Variants in TMEM87B observed in about 807,000 individuals in gnomAD.
TMEM87B encodes the protein transmembrane protein 87B.
In TMEM87B, 83 loss-of-function variants were observed where a neutral mutation model predicts 80.3. The ratio of observed to expected loss-of-function variants is 1.03; its 90% CI spans 0.87 to 1.24. The LOEUF is 1.24. Ranked by LOEUF, TMEM87B falls within the 50% of genes most tolerant of loss-of-function variation. The probability of loss-of-function intolerance (pLI) is 0.00; values close to 1 mark genes in which losing one functional copy is unlikely to be tolerated. For missense variants in TMEM87B, 625 were observed against 674.4 expected, an observed-to-expected ratio of 0.93 and a Z score of 0.81; for synonymous variants, 219 against 230.5, an observed-to-expected ratio of 0.95 and a Z score of 0.45.
In TMEM87B at chr2:112,112,796, AGT is replaced by A; in HGVS notation, c.1578-101_1578-100del. 3 of 1,047,214 alleles carry A rather than the reference AGT, an allele frequency of 2.9e-6. No homozygotes were observed. The South Asian group carries it at 4.3e-5, about 15-fold the overall frequency. The allele number at this position is 1,047,214 out of a possible 1,614,324, so 64.9% of individuals were successfully genotyped here. On this transcript the variant is annotated intron_variant, in intron 17 of 18. Coordinates refer to ENST00000283206, the MANE Select transcript of TMEM87B (RefSeq NM_032824.3). Reference sequence around the variant, plus strand: ...CTTCTGTCACCTGTGGATACCCAGGAGTGAGAATTAGTGGGCCATGGCATGTG... The same window carrying A: ...CTTCTGTCACCTGTGGATACCCAGGAGAGAATTAGTGGGCCATGGCATGTG...
Position 112,081,134 on chromosome 2 carries a change from C to T in TMEM87B, c.654+16C>T. 1 of 1,610,406 alleles carries T rather than the reference C, an allele frequency of 6.2e-7. No individual in the cohort carries two copies. The highest frequency in any genetic ancestry group is 8.5e-7 in the Non-Finnish European group (1 of 1,178,580). ...CCTAATGATTGTGAGTATTTCTCAT[C>T]ATTTTTTCCTTTTTAAAAAATGAAT... On this transcript the variant is annotated intron_variant, in intron 7 of 18. Transcript: ENST00000283206.
chr2:112,108,670 G>A (rs540069557), intron 17 of TMEM87B, among the ~76,000 whole-genome samples: 2 of 152,194 alleles, frequency 1.3e-5, no homozygotes, highest in Non-Finnish European at 2.9e-5. Context: ...CATGTTATAT[G>A]GGTTTTGTTT....
intron 15 of TMEM87B, among the ~76,000 whole-genome samples, chr2:112,102,655 G>A (rs1333994704): frequency 4.6e-5 from 7 of 151,692 alleles, no homozygotes; most frequent in Non-Finnish European, 1.5e-5. Context: ...GCCACTGCAC[G>A]CCAGCCTGGA....
chr2:112,112,495 A>G (rs762531644), intron 17 of TMEM87B, among the ~76,000 whole-genome samples: 45 of 152,180 alleles, frequency 3.0e-4, no homozygotes, highest in Non-Finnish European at 1.2e-4. Context: ...ACAGAATAAC[A>G]CTAAGTGCTC....
intron 4 of TMEM87B, among the ~76,000 whole-genome samples, chr2:112,071,616 C>A (rs1234585586): frequency 3.3e-5 from 5 of 152,076 alleles, no homozygotes; most frequent in Non-Finnish European, 7.4e-5. Flanking sequence ...CGCTAGTGAT[C>A]TTTATATATT....
chr2:112,098,968 A>G (rs1373448737), intron 14 of TMEM87B, among the ~76,000 whole-genome samples: 1 of 152,200 alleles, frequency 6.6e-6, no homozygotes, highest in African/African-American at 2.4e-5. Context: ...GAATGACTGA[A>G]CTGGGAAAGA....
chr2:112,097,356 ATTTAG>A (rs1350190879), intron 13 of TMEM87B, 65 bp downstream of exon 13: 15 of 1,300,294 alleles, frequency 1.2e-5, no homozygotes, highest in Non-Finnish European at 1.3e-5. Context: ...ATTTTGAACA[ATTTAG>A]TTTATGCTTG....
intron 14 of TMEM87B, 108 bp from the exon 15 acceptor site, chr2:112,100,514 T>C: frequency 1.6e-6 from 1 of 633,564 alleles, no homozygotes. Context: ...TTTTAAAGTA[T>C]AAGAAATTTT....
chr2:112,106,201 G>C (rs1051386296), intron 16 of TMEM87B, 126 bp downstream of exon 16: 1 of 666,368 alleles, frequency 1.5e-6, no homozygotes, highest in Non-Finnish European at 2.3e-6. Context: ...TGTTGTTGTT[G>C]TTATAAAAAT....
At position 112,117,082 on chromosome 2, in the gene TMEM87B, C is replaced by G. The variant is rs1363273010; in HGVS notation, c.*939C>G. 2 of 152,182 alleles carry G rather than the reference C, an allele frequency of 1.3e-5. No individual in the cohort carries two copies. Among genetic ancestry groups the G allele is most frequent in the Non-Finnish European group, 2.9e-5 (2 of 68,020 alleles). The allele number at this position is 152,182 out of a possible 1,614,324, so 9.4% of individuals were successfully genotyped here. A position where few individuals can be genotyped will look rare whatever the true frequency, so the allele number is the denominator to read the frequency against. On this transcript the variant is annotated 3_prime_UTR_variant, in exon 19 of 19. Coordinates refer to ENST00000283206, the MANE Select transcript of TMEM87B (RefSeq NM_032824.3). ...TCACTATTGATTTTATAATTAATTTCTTAAGCTTCAACCATGTTTTATACC... is the reference window on the plus strand; with the variant it reads ...TCACTATTGATTTTATAATTAATTTGTTAAGCTTCAACCATGTTTTATACC...
rs1679491343 is a variant in TMEM87B, at chr2:112,097,084, TA to T, written c.1147del (p.Arg383GlufsTer5). ...GCACAAACTATGAAGACCCTAAGGC[TA>T]AGAAAGAACACTGTGAAATTTTCAT... is the stretch of plus-strand genomic sequence containing the variant. ...SLAQTMKTLRLRKNTVKFSLY... is the reference protein window; with the variant it reads ...SLAQTMKTLRXRKNTVKFSLY... On this transcript the variant is annotated frameshift_variant, in exon 12 of 19. Coordinates refer to ENST00000283206, the MANE Select transcript of TMEM87B (RefSeq NM_032824.3). LOFTEE classifies it high-confidence loss of function. The T allele has an allele frequency of 6.2e-7, 1 of 1,609,384 alleles. No homozygotes were observed. Among genetic ancestry groups the T allele is most frequent in the Admixed American group, 1.7e-5 (1 of 59,110 alleles).
chr2:112,070,512 C>T (rs1458342058), intron 4 of TMEM87B, among the ~76,000 whole-genome samples: 6 of 152,124 alleles, frequency 3.9e-5, no homozygotes, highest in Non-Finnish European at 7.4e-5. Flanking sequence ...TCTGGGCTCT[C>T]TATTCTGTTC....
rs1409411224 is a variant in TMEM87B at position 112,117,179 on chromosome 2, T to C, written c.*1036T>C. 2 of 152,224 alleles carry C rather than the reference T, an allele frequency of 1.3e-5. No individual in the cohort carries two copies. Among genetic ancestry groups the C allele is most frequent in the Non-Finnish European group, 2.9e-5 (2 of 68,030 alleles). 9.4% of individuals were successfully genotyped at this position (152,224 alleles called of 1,614,324 possible). ...TGCTTTAATGTCTTTTTTTAAAATG[T>C]AGAATGTTCTAAACTTGAAAGGCAA... On this transcript the variant is annotated 3_prime_UTR_variant, in exon 19 of 19. Transcript: ENST00000283206.
At chr2:112,115,749 C>T (rs955731559) in intron 18 of TMEM87B, among the ~76,000 whole-genome samples, 3 of 152,114 alleles carry the variant, frequency 2.0e-5, no homozygotes, top group African/African-American at 7.2e-5. Flanking sequence ...AACTTCTCAG[C>T]AGATAACTGA....
intron 5 of TMEM87B, among the ~76,000 whole-genome samples, chr2:112,075,978 G>A (rs1313174552): frequency 1.3e-5 from 2 of 152,228 alleles, no homozygotes; most frequent in African/African-American, 2.4e-5. Flanking sequence ...TTATTCCTTA[G>A]TGGAATTGCA....
chr2:112,096,459 A>G (rs888368675), intron 11 of TMEM87B, among the ~76,000 whole-genome samples: 9 of 152,338 alleles, frequency 5.9e-5, no homozygotes, highest in African/African-American at 2.2e-4. Context: ...TTATAGTCGT[A>G]GTATTCTTCC....
intron 1 of TMEM87B, among the ~76,000 whole-genome samples, chr2:112,056,115 A>G (rs1678049394): frequency 1.3e-5 from 2 of 150,520 alleles, no homozygotes; most frequent in South Asian, 4.2e-4. Flanking sequence ...TTGGGATTCG[A>G]CTCTTCCTGT....
At chr2:112,099,173 G>A (rs528387618) in intron 14 of TMEM87B, among the ~76,000 whole-genome samples, 1 of 152,294 alleles carries the variant, frequency 6.6e-6, no homozygotes, top group African/African-American at 2.4e-5. Flanking sequence ...GGAAGCCTCA[G>A]CTTCCTTGCT....
chr2:112,085,446 A>G (rs1317927738), intron 8 of TMEM87B, among the ~76,000 whole-genome samples: 1 of 151,892 alleles, frequency 6.6e-6, no homozygotes, highest in Admixed American at 6.6e-5. Context: ...TAGTTCCCCC[A>G]GGTGTAGATT....
Sources: gnomAD v4.1 joint callset for allele counts (sites outside exome capture counted in the v4.1 genomes callset) on GRCh38, gnomAD v4.1.1 for gene constraint, MANE v1.5 for transcripts, NCBI Gene and HGNC (gene_info 2026-07-23, HGNC 2026-07-21) for gene names.